The following LRRIQ3 variants were observed in gnomAD, a reference collection of about 807,000 sequenced individuals.
The protein encoded by LRRIQ3 is leucine-rich repeat and IQ domain-containing protein 3.
In LRRIQ3, 75 loss-of-function variants were observed where a neutral mutation model predicts 59.3. That is an observed-to-expected ratio of 1.26 (90% CI 1.05 to 1.53). LRRIQ3 has a LOEUF of 1.53. LRRIQ3 is among the 40% of genes most tolerant of loss of function. LRRIQ3 has a pLI of 0.00. For synonymous variants in LRRIQ3, 250 were observed against 231.3 expected (o/e 1.08, Z -0.73); for missense variants, 831 against 710.0 (o/e 1.17, Z -1.94).
chr1:74,130,004 C>T (rs1646989415), intron 4 of LRRIQ3, among the ~76,000 whole-genome samples: 1 of 152,012 alleles, frequency 6.6e-6, no homozygotes, highest in Non-Finnish European at 1.5e-5. Flanking sequence ...TCTCTCTCTT[C>T]TCTTCAAACA....
At chr1:74,104,261 T>C (rs1012214188) in intron 5 of LRRIQ3, among the ~76,000 whole-genome samples, 1 of 152,012 alleles carries the variant, frequency 6.6e-6, no homozygotes, top group Non-Finnish European at 1.5e-5. Context: ...TCTTATTCAT[T>C]GCTGATGGGA....
At chr1:74,197,812 G>A (rs191636757) in intron 1 of LRRIQ3, among the ~76,000 whole-genome samples, 184 bp downstream of exon 1, 2 of 152,278 alleles carry the variant, frequency 1.3e-5, no homozygotes, top group Admixed American at 6.5e-5. Flanking sequence ...CCGGGGTGGC[G>A]GGGGAAAGGA....
intron 4 of LRRIQ3, among the ~76,000 whole-genome samples, chr1:74,152,718 G>T (rs1648069092): frequency 6.6e-6 from 1 of 152,138 alleles, no homozygotes; most frequent in Non-Finnish European, 1.5e-5. Flanking sequence ...CTAGTTTCTA[G>T]ATCTTACTTT....
At position 74,037,495 on chromosome 1, in the gene LRRIQ3, T is replaced by A. The variant is rs1316625116; in HGVS notation, c.1718+3718A>T. On this transcript the variant is annotated intron_variant, in intron 7 of 7. Transcript: ENST00000354431. The stretch of plus-strand genomic sequence containing the variant: ...TCTACTAAAAATACAAAAAACGGCT[T>A]GGTGTGGTGGCGGACGCTTGTAATC... Among the ~76,000 whole-genome samples the A allele has an allele frequency of 2.2e-4, 34 of 151,812 alleles. 1 individual carries two copies. Among genetic ancestry groups the A allele is most frequent in the Admixed American group, 2.2e-3 (34 of 15,232 alleles).
Position 74,187,002 on chromosome 1 carries a change from C to T in LRRIQ3, c.1-3318G>A, listed in dbSNP as rs185475862. Among the ~76,000 whole-genome samples, 309 of 151,484 alleles carry T rather than the reference C, an allele frequency of 2.0e-3. 1 individual carries two copies. Among genetic ancestry groups the T allele is most frequent in the African/African-American group, 7.2e-3 (300 of 41,400 alleles). On this transcript the variant is annotated intron_variant, in intron 1 of 7. Coordinates refer to ENST00000354431, the MANE Select transcript of LRRIQ3 (RefSeq NM_001105659.2). Reference sequence around the variant, plus strand: ...AATGTAAATTAAAACCTTACTCCTGCAAGAATGGCCATAATTAAAAAGTCA... The same window carrying T: ...AATGTAAATTAAAACCTTACTCCTGTAAGAATGGCCATAATTAAAAAGTCA...
intron 7 of LRRIQ3, among the ~76,000 whole-genome samples, chr1:74,036,078 G>A (rs1653863767): frequency 6.6e-6 from 1 of 152,148 alleles, no homozygotes; most frequent in Non-Finnish European, 1.5e-5. Context: ...GAGAATTTAA[G>A]TGAAGTAACA....
intron 6 of LRRIQ3, among the ~76,000 whole-genome samples, chr1:74,058,510 T>C (rs753977449): frequency 3.3e-5 from 5 of 152,056 alleles, no homozygotes; most frequent in African/African-American, 7.2e-5. Flanking sequence ...ATATGGAAGC[T>C]AAAAAAGTTT....
At chr1:74,102,298 T>C (rs1182253556) in intron 5 of LRRIQ3, among the ~76,000 whole-genome samples, 2 of 151,902 alleles carry the variant, frequency 1.3e-5, no homozygotes, top group Non-Finnish European at 2.9e-5. Flanking sequence ...AAGAACTAAT[T>C]TAAAAATTGC....
At position 74,029,459 on chromosome 1, in the gene LRRIQ3, G is replaced by A. The variant is rs565053977; in HGVS notation, c.1719-2490C>T. On this transcript the variant is annotated intron_variant, in intron 7 of 7. Transcript: ENST00000354431. Reference sequence around the variant, plus strand: ...TTTCTGCATCTATTGAGATAATCATGTGGTTTTTGTCTTTGGTTCTGTTTA... The same window carrying A: ...TTTCTGCATCTATTGAGATAATCATATGGTTTTTGTCTTTGGTTCTGTTTA... 3.9e-5 allele frequency among the ~76,000 whole-genome samples: 6 copies of A among 152,156 alleles called. No individual in the cohort carries two copies. The South Asian group carries it at 1.2e-3, about 32-fold the overall frequency.
chr1:74,182,879 A>G lies in LRRIQ3; in HGVS notation c.250-18T>C, dbSNP rs774385681. 8.3e-6 allele frequency: 11 copies of G among 1,330,370 alleles called. No homozygotes were observed. The highest frequency in any genetic ancestry group is 1.0e-5 in the Non-Finnish European group (10 of 1,003,470). 82.4% of individuals were successfully genotyped at this position (1,330,370 alleles called of 1,614,324 possible). On this transcript the variant is annotated intron_variant, in intron 2 of 7. Transcript: ENST00000354431. ...CTCTTTATCTGAAATATTATTAAAA[A>G]TCTTTTAAATTCCAAAATTACTTTT...
intron 4 of LRRIQ3, among the ~76,000 whole-genome samples, chr1:74,135,555 T>C (rs1420891356): frequency 6.6e-6 from 1 of 151,872 alleles, no homozygotes; most frequent in Admixed American, 6.6e-5. Context: ...TGTTCAGTAA[T>C]CATGGTAAAA....
Position 74,041,874 on chromosome 1 carries a change from C to T in LRRIQ3, c.1057G>A (p.Val353Ile). 6.2e-7 allele frequency: 1 copy of T among 1,611,420 alleles called. No homozygotes were observed. Among genetic ancestry groups the T allele is most frequent in the Non-Finnish European group, 8.5e-7 (1 of 1,178,780 alleles). Residue 353 changes from valine (V) to isoleucine (I), a missense_variant, in exon 7 of 8, where the codon GTT (valine) becomes ATT (isoleucine). Val to Ile is a conservative substitution (Grantham distance 29). Coordinates refer to ENST00000354431, the MANE Select transcript of LRRIQ3 (RefSeq NM_001105659.2). ...EKLDTSFRISVFKLPIYTSGS... is the reference protein window; with the variant it reads ...EKLDTSFRISIFKLPIYTSGS... Reference sequence around the variant, plus strand: ...GAAGTGTATATGGGTAGTTTGAAAACTGATATCCTAAAACTGGTATCCAAT... The same window carrying T: ...GAAGTGTATATGGGTAGTTTGAAAATTGATATCCTAAAACTGGTATCCAAT...
intron 7 of LRRIQ3, among the ~76,000 whole-genome samples, chr1:74,035,468 C>T (rs1653842078): frequency 6.6e-6 from 1 of 152,012 alleles, no homozygotes; most frequent in African/African-American, 2.4e-5. Context: ...AATTGACTAG[C>T]TGTAAGTTAA....
At chr1:74,078,865 T>C (rs1156649835) in intron 5 of LRRIQ3, 1 of 151,876 alleles carries the variant, frequency 6.6e-6, no homozygotes, top group Non-Finnish European at 1.5e-5. Flanking sequence ...TTCTTCATTT[T>C]GAAAAATAAT....
chr1:74,145,439 C>T (rs1465489101), intron 4 of LRRIQ3, among the ~76,000 whole-genome samples: 1 of 152,138 alleles, frequency 6.6e-6, no homozygotes, highest in Non-Finnish European at 1.5e-5. Flanking sequence ...TGAAAAACCT[C>T]TAACAAATTC....
chr1:74,096,611 G>C (rs1197288317), intron 5 of LRRIQ3, among the ~76,000 whole-genome samples: 1 of 152,058 alleles, frequency 6.6e-6, no homozygotes, highest in East Asian at 1.9e-4. Flanking sequence ...TCCTTTGGAG[G>C]GGGAGAAGCG....
chr1:74,169,206 GC>G (rs1366213497), intron 3 of LRRIQ3, among the ~76,000 whole-genome samples: 1 of 152,092 alleles, frequency 6.6e-6, no homozygotes, highest in Non-Finnish European at 1.5e-5. Flanking sequence ...GTTTCACCTT[GC>G]AGAGTATCTT....
intron 3 of LRRIQ3, among the ~76,000 whole-genome samples, chr1:74,171,602 G>C (rs183619102): frequency 9.8e-4 from 149 of 152,260 alleles, no homozygotes; most frequent in Admixed American, 2.2e-3. Context: ...TTGACCTGTA[G>C]TTTTCTTGTG....
chr1:74,160,552 C>A (rs1648600057), intron 3 of LRRIQ3, among the ~76,000 whole-genome samples: 1 of 151,982 alleles, frequency 6.6e-6, no homozygotes, highest in East Asian at 1.9e-4. Context: ...ATTTTCTCTA[C>A]CGTAATTCCA....
Sources: gnomAD v4.1 joint callset for allele counts (sites outside exome capture counted in the v4.1 genomes callset) on GRCh38, gnomAD v4.1.1 for gene constraint, MANE v1.5 for transcripts, NCBI Gene and HGNC (gene_info 2026-07-23, HGNC 2026-07-21) for gene names.